PAPPA: variants seen among roughly 807,000 people sequenced by gnomAD.
PAPPA encodes pappalysin 1.
Under a neutral mutation model 164.0 loss-of-function variants are expected in PAPPA, and 60 were observed. The observed-to-expected ratio is 0.37, with a 90% CI of 0.30 to 0.45. The LOEUF is 0.45. PAPPA is among the 20% of genes least tolerant of loss of function. The pLI is 1.00. For missense variants in PAPPA, 1,782 were observed against 2,087.3 expected, an observed-to-expected ratio of 0.85 and a Z score of 2.85; for synonymous variants, 875 against 814.1, an observed-to-expected ratio of 1.07 and a Z score of -1.27.
chr9:116,353,501 G>A (rs1846311219), intron 16 of PAPPA, 121 bp from the exon 17 acceptor site: 1 of 838,686 alleles, frequency 1.2e-6, no homozygotes, highest in South Asian at 1.7e-5. Flanking sequence ...AACCCAATAG[G>A]TCAGGTGGGG....
chr9:116,233,128 A>G (rs1195051669), intron 6 of PAPPA, among the ~76,000 whole-genome samples: 1 of 152,260 alleles, frequency 6.6e-6, no homozygotes, highest in Non-Finnish European at 1.5e-5. Flanking sequence ...TAGAAGGTTA[A>G]CAAATATTTA....
At chr9:116,387,214 A>G (rs1421202644) in intron 21 of PAPPA, among the ~76,000 whole-genome samples, 2 of 152,186 alleles carry the variant, frequency 1.3e-5, no homozygotes, top group African/African-American at 2.4e-5. Context: ...AGAATAATTC[A>G]GCCAAGTAGA....
chr9:116,381,102 G>T (rs1846724731), intron 20 of PAPPA, among the ~76,000 whole-genome samples: 1 of 152,138 alleles, frequency 6.6e-6, no homozygotes. Flanking sequence ...GTGAGGAGAG[G>T]GGTAGGTTCA....
intron 5 of PAPPA, among the ~76,000 whole-genome samples, chr9:116,223,961 C>T (rs1249718331): frequency 6.6e-6 from 1 of 152,198 alleles, no homozygotes; most frequent in African/African-American, 2.4e-5. Context: ...CAAGCACACA[C>T]ACTCTATGTT....
chr9:116,337,691 C>G (rs908810032), intron 13 of PAPPA, among the ~76,000 whole-genome samples: 1 of 151,150 alleles, frequency 6.6e-6, no homozygotes, highest in African/African-American at 2.4e-5. Flanking sequence ...TCCATCTCCT[C>G]TCTCTCTCTC....
At chr9:116,211,002 C>T (rs1255715282) in intron 3 of PAPPA, among the ~76,000 whole-genome samples, 2 of 152,194 alleles carry the variant, frequency 1.3e-5, no homozygotes, top group African/African-American at 4.8e-5. Context: ...CTGTGATAGT[C>T]ATTAATCATA....
intron 8 of PAPPA, among the ~76,000 whole-genome samples, chr9:116,266,649 C>G (rs1354898674): frequency 6.6e-6 from 1 of 152,114 alleles, no homozygotes; most frequent in Non-Finnish European, 1.5e-5. Flanking sequence ...TCTTCCTGTT[C>G]TCAGGACAAG....
chr9:116,381,554 C>T (rs1365130232), intron 20 of PAPPA, among the ~76,000 whole-genome samples: 1 of 152,172 alleles, frequency 6.6e-6, no homozygotes, highest in East Asian at 1.9e-4. Flanking sequence ...TAAATAATGG[C>T]TTGACTCTAT....
At chr9:116,393,125 C>T (rs1301284205) in intron 21 of PAPPA, among the ~76,000 whole-genome samples, 1 of 152,134 alleles carries the variant, frequency 6.6e-6, no homozygotes, top group African/African-American at 2.4e-5. Flanking sequence ...CAAGGCCTTA[C>T]CAGCCAACAA....
At chr9:116,343,248 A>G (rs777129311) in intron 13 of PAPPA, among the ~76,000 whole-genome samples, 1 of 152,210 alleles carries the variant, frequency 6.6e-6, no homozygotes, top group Non-Finnish European at 1.5e-5. Flanking sequence ...TAACTATAAT[A>G]CAAGGGGAAT....
chr9:116,348,962 T>C (rs1846246235), intron 15 of PAPPA, among the ~76,000 whole-genome samples: 1 of 152,138 alleles, frequency 6.6e-6, no homozygotes, highest in Admixed American at 6.5e-5. Context: ...AAGCACTAAT[T>C]TTAAACAGGC....
At chr9:116,276,681 G>A (rs1845202713) in intron 9 of PAPPA, among the ~76,000 whole-genome samples, 3 of 152,164 alleles carry the variant, frequency 2.0e-5, no homozygotes, top group East Asian at 1.9e-4. Flanking sequence ...CAGACGTGGA[G>A]GCATTCCCTG....
At chr9:116,175,478 A>G (rs1207498040) in intron 1 of PAPPA, among the ~76,000 whole-genome samples, 4 of 152,236 alleles carry the variant, frequency 2.6e-5, no homozygotes, top group Non-Finnish European at 4.4e-5. Flanking sequence ...TCATAATATC[A>G]TGTTGTACAG....
At chr9:116,233,671 C>T (rs764709212) in intron 6 of PAPPA, among the ~76,000 whole-genome samples, 5 of 152,052 alleles carry the variant, frequency 3.3e-5, no homozygotes, top group Non-Finnish European at 5.9e-5. Context: ...TCTTTCTTTC[C>T]TTGGCTAAGC....
chr9:116,270,700 A>C (rs1474338400), intron 8 of PAPPA, among the ~76,000 whole-genome samples: 2 of 152,194 alleles, frequency 1.3e-5, no homozygotes, highest in African/African-American at 4.8e-5. Flanking sequence ...TGGTGGAAAT[A>C]ATTCCAACAA....
At chr9:116,186,204 ATATG>A (rs1319080267) in intron 1 of PAPPA, among the ~76,000 whole-genome samples, 6 of 92,540 alleles carry the variant, frequency 6.5e-5, no homozygotes, top group South Asian at 3.6e-4. Flanking sequence ...GGCACTCATT[ATATG>A]TGTGTGTGTG....
intron 2 of PAPPA, among the ~76,000 whole-genome samples, chr9:116,201,514 C>CA: frequency 6.6e-6 from 1 of 152,324 alleles, no homozygotes; most frequent in South Asian, 2.1e-4. Context: ...GGGAACCCAA[C>CA]AGGCACTGGG....
intron 7 of PAPPA, among the ~76,000 whole-genome samples, chr9:116,237,720 CTTT>C (rs545555923): frequency 6.9e-6 from 1 of 145,188 alleles, no homozygotes; most frequent in Non-Finnish European, 1.5e-5. Flanking sequence ...TTCTCTCTCT[CTTT>C]TTTTTTTTTT....
chr9:116,256,360 T>G (rs1844927817), intron 7 of PAPPA, among the ~76,000 whole-genome samples: 1 of 151,560 alleles, frequency 6.6e-6, no homozygotes, highest in Non-Finnish European at 1.5e-5. Flanking sequence ...AATTTAAAAA[T>G]TCGATAAATC....
Sources: gnomAD v4.1 joint callset for allele counts (sites outside exome capture counted in the v4.1 genomes callset) on GRCh38, gnomAD v4.1.1 for gene constraint, MANE v1.5 for transcripts, NCBI Gene and HGNC (gene_info 2026-07-23, HGNC 2026-07-21) for gene names.